Variants in HPD observed in about 807,000 individuals in gnomAD.
HPD encodes the protein 4-hydroxyphenylpyruvate dioxygenase, also known as 4-hydroxyphenylpyruvic acid oxidase.
In HPD, 35 loss-of-function variants were observed where a neutral mutation model predicts 56.9. The ratio of observed to expected loss-of-function variants is 0.62; its 90% confidence interval spans 0.47 to 0.82. The LOEUF (loss-of-function observed/expected upper bound fraction) is 0.82. HPD is among the 40% of genes least tolerant of loss of function. The pLI is 0.00. For synonymous variants in HPD, 186 were observed against 200.2 expected, an observed-to-expected ratio of 0.93 and a Z score of 0.60; for missense variants, 442 against 506.8, an observed-to-expected ratio of 0.87 and a Z score of 1.23.
chr12:121,856,255 C>G, intron 6 of HPD, 69 bp downstream of exon 6: 1 of 1,199,468 alleles, frequency 8.3e-7, no homozygotes, highest in South Asian at 1.2e-5. Flanking sequence ...GTCCTTCCAG[C>G]CCTGACTGAT....
intron 7 of HPD, among the ~76,000 whole-genome samples, chr12:121,853,866 G>A (rs1402553163): frequency 1.3e-5 from 2 of 151,984 alleles, no homozygotes; most frequent in Non-Finnish European, 2.9e-5. Context: ...GAGCCCAGGA[G>A]GCAGAGGTTG....
intron 2 of HPD, 152 bp from the exon 3 acceptor site, chr12:121,857,971 A>G: frequency 5.6e-6 from 4 of 709,206 alleles, no homozygotes; most frequent in Non-Finnish European, 1.0e-5. Context: ...CCAAGCCTCA[A>G]AAGAGGTTTC....
chr12:121,850,691 C>A (rs1023023151), intron 7 of HPD, among the ~76,000 whole-genome samples: 1 of 124,650 alleles, frequency 8.0e-6, no homozygotes, highest in Non-Finnish European at 1.7e-5. Flanking sequence ...CTGTACCTAG[C>A]CTTTTTTTTT....
chr12:121,848,079 C>T (rs1877645656), intron 9 of HPD, among the ~76,000 whole-genome samples: 1 of 152,082 alleles, frequency 6.6e-6, no homozygotes, highest in Non-Finnish European at 1.5e-5. Flanking sequence ...GAAAAAGGCC[C>T]TTGCTTGGAA....
chr12:121,869,030 A>C, the HPD span, among the ~76,000 whole-genome samples: 1 of 151,206 alleles, frequency 6.6e-6, no homozygotes, highest in Non-Finnish European at 1.5e-5. Flanking sequence ...TTGGGACTAC[A>C]GGCATGTGCC....
intron 4 of HPD, 115 bp from the exon 5 acceptor site, chr12:121,856,740 G>T: frequency 1.0e-6 from 1 of 954,164 alleles, no homozygotes; most frequent in Non-Finnish European, 1.7e-6. Context: ...AAGAACTCCT[G>T]GACCTGGGTT....
the HPD span, among the ~76,000 whole-genome samples, chr12:121,882,067 C>A: frequency 6.6e-6 from 1 of 151,816 alleles, no homozygotes; most frequent in South Asian, 2.1e-4. Context: ...CAGGCATGAG[C>A]CACTGTGCTG....
intron 7 of HPD, 166 bp from the exon 8 acceptor site, chr12:121,849,956 C>G (rs573649797): frequency 1.5e-6 from 1 of 658,716 alleles, no homozygotes; most frequent in African/African-American, 1.8e-5. Context: ...GAATTGCAAT[C>G]TGTCACTTGT....
chr12:121,888,202 T>G, the HPD span, among the ~76,000 whole-genome samples: 1 of 152,206 alleles, frequency 6.6e-6, no homozygotes, highest in Non-Finnish European at 1.5e-5. Context: ...TCCAGCACCT[T>G]CAACAGTATA....
At chr12:121,848,275 G>A (rs1040960451) in intron 9 of HPD, among the ~76,000 whole-genome samples, 1 of 152,012 alleles carries the variant, frequency 6.6e-6, no homozygotes, top group Non-Finnish European at 1.5e-5. Context: ...CCAACATCTT[G>A]TGCTGTATTT....
chr12:121,846,158 C>T (rs896508606), intron 11 of HPD, among the ~76,000 whole-genome samples: 2 of 152,218 alleles, frequency 1.3e-5, no homozygotes, highest in East Asian at 1.9e-4. Context: ...TTTGGCCTCC[C>T]GTGTAGTTGG....
chr12:121,855,572 C>T (rs1307837022), intron 6 of HPD, among the ~76,000 whole-genome samples: 1 of 152,058 alleles, frequency 6.6e-6, no homozygotes, highest in African/African-American at 2.4e-5. Flanking sequence ...CAAAAATTAG[C>T]TGGGCATGGT....
At chr12:121,884,506 T>C in the HPD span, among the ~76,000 whole-genome samples, 1 of 151,908 alleles carries the variant, frequency 6.6e-6, no homozygotes, top group South Asian at 2.1e-4. Context: ...TAAGTCTTGC[T>C]ATATTGCCCA....
At chr12:121,842,584 C>A (rs1295693709) in intron 12 of HPD, among the ~76,000 whole-genome samples, 1 of 151,704 alleles carries the variant, frequency 6.6e-6, no homozygotes, top group Non-Finnish European at 1.5e-5. Context: ...GATCACCACG[C>A]ACAGCTAATT....
intron 11 of HPD, among the ~76,000 whole-genome samples, chr12:121,844,945 G>A (rs772993155): frequency 1.3e-5 from 2 of 151,518 alleles, no homozygotes; most frequent in East Asian, 1.9e-4. Flanking sequence ...TTATCCAGGC[G>A]TGGTGTCATG....
intron 12 of HPD, among the ~76,000 whole-genome samples, chr12:121,842,873 G>A (rs1019418786): frequency 2.1e-4 from 32 of 149,842 alleles, no homozygotes; most frequent in African/African-American, 7.9e-4. Context: ...TCAGCCTCCT[G>A]AGTAGCTGGG....
chr12:121,845,853 G>C (rs1015484383), intron 11 of HPD, among the ~76,000 whole-genome samples: 8 of 152,122 alleles, frequency 5.3e-5, no homozygotes, highest in African/African-American at 1.9e-4. Flanking sequence ...TTATAGGCAT[G>C]AGCCACCATG....
At chr12:121,870,595 G>GC in the HPD span, among the ~76,000 whole-genome samples, 1 of 123,288 alleles carries the variant, frequency 8.1e-6, no homozygotes, top group Non-Finnish European at 1.7e-5. Flanking sequence ...GCTATTGAAG[G>GC]TTTTTTTTTT....
intron 4 of HPD, chr12:121,856,986 G>A (rs1878025095): frequency 4.0e-6 from 2 of 502,488 alleles, no homozygotes; most frequent in Non-Finnish European, 7.2e-6. Context: ...AACTAGGAAG[G>A]GCCGTGTTGC....
Sources: gnomAD v4.1 joint callset for allele counts (sites outside exome capture counted in the v4.1 genomes callset) on GRCh38, gnomAD v4.1.1 for gene constraint, MANE v1.5 for transcripts, NCBI Gene and HGNC (gene_info 2026-07-23, HGNC 2026-07-21) for gene names.